STK32B: variants seen among roughly 807,000 people sequenced by gnomAD.
STK32B encodes the protein serine/threonine kinase 32B.
STK32B carries 43 observed loss-of-function variants against 52.6 expected under a neutral mutation model. The observed-to-expected ratio is 0.82, with a 90% CI of 0.64 to 1.05. The LOEUF is 1.05. STK32B is among the 50% of genes least tolerant of loss of function. The probability of loss-of-function intolerance (pLI) is 0.00; values close to 1 mark genes in which losing one functional copy is unlikely to be tolerated. For missense variants in STK32B, 621 were observed against 534.6 expected (o/e 1.16, Z -1.59); for synonymous variants, 238 against 204.3 (o/e 1.17, Z -1.41).
At chr4:5,425,807 G>C (rs1382429124) in intron 6 of STK32B, among the ~76,000 whole-genome samples, 1 of 152,144 alleles carries the variant, frequency 6.6e-6, no homozygotes, top group African/African-American at 2.4e-5. Context: ...CCAGTCCCTG[G>C]CAACCAGCAA....
chr4:5,433,718 T>C (rs1485023308), intron 6 of STK32B, among the ~76,000 whole-genome samples: 4 of 152,210 alleles, frequency 2.6e-5, no homozygotes, highest in African/African-American at 9.6e-5. Context: ...AGATGTTGAA[T>C]AGCATTTCAC....
intron 1 of STK32B, among the ~76,000 whole-genome samples, chr4:5,111,025 C>G (rs2108802139): frequency 6.6e-6 from 1 of 151,658 alleles, no homozygotes; most frequent in Non-Finnish European, 1.5e-5. Context: ...CTTAACATCA[C>G]CAATCATCAG....
At chr4:5,198,149 T>C (rs993686200) in intron 3 of STK32B, among the ~76,000 whole-genome samples, 7 of 152,216 alleles carry the variant, frequency 4.6e-5, no homozygotes, top group Admixed American at 1.3e-4. Flanking sequence ...TGCCTAACAA[T>C]GGATACTTCT....
At chr4:5,136,687 G>A (rs1279372740) in intron 1 of STK32B, among the ~76,000 whole-genome samples, 4 of 152,274 alleles carry the variant, frequency 2.6e-5, no homozygotes, top group Non-Finnish European at 4.4e-5. Context: ...ACAACCTCAC[G>A]TGACAGTATG....
intron 3 of STK32B, among the ~76,000 whole-genome samples, chr4:5,248,217 G>A (rs10001177): frequency 0.072 from 11,021 of 152,220 alleles, 584 homozygotes; most frequent in African/African-American, 0.15. Context: ...GTTGTGAGTG[G>A]AGGAGCTGGA....
At chr4:5,130,168 C>CGGGGG (rs1452550372) in intron 1 of STK32B, among the ~76,000 whole-genome samples, 8 of 143,860 alleles carry the variant, frequency 5.6e-5, no homozygotes, top group African/African-American at 2.1e-4. Flanking sequence ...TCACCTTCTC[C>CGGGGG]GGCGGGGGGA....
chr4:5,084,348 A>G (rs1712601638), intron 1 of STK32B, among the ~76,000 whole-genome samples: 1 of 152,230 alleles, frequency 6.6e-6, no homozygotes, highest in Non-Finnish European at 1.5e-5. Flanking sequence ...ATTACAAAAG[A>G]CAACAGCATT....
Position 5,176,918 on chromosome 4 carries a change from G to A in STK32B, c.260+8468G>A, listed in dbSNP as rs113467547. Among the ~76,000 whole-genome samples the A allele has an allele frequency of 1.9e-3, 292 of 152,292 alleles. 1 individual carries two copies. Among genetic ancestry groups the A allele is most frequent in the African/African-American group, 6.8e-3 (284 of 41,546 alleles). Reference sequence around the variant, plus strand: ...TAAGCAAGAAAGGGGTGAGCCTACTGCTTGACTTTGGAGTCACCCCTCAGA... The same window carrying A: ...TAAGCAAGAAAGGGGTGAGCCTACTACTTGACTTTGGAGTCACCCCTCAGA... On this transcript the variant is annotated intron_variant, in intron 3 of 11. Transcript: ENST00000282908.
chr4:5,163,409 T>A (rs1197553475), intron 2 of STK32B, among the ~76,000 whole-genome samples: 1 of 152,102 alleles, frequency 6.6e-6, no homozygotes, highest in Non-Finnish European at 1.5e-5. Flanking sequence ...CTTCAAGGAT[T>A]AAAGGGAAGT....
At chr4:5,310,360 T>A (rs927769239) in intron 3 of STK32B, among the ~76,000 whole-genome samples, 1 of 152,094 alleles carries the variant, frequency 6.6e-6, no homozygotes, top group African/African-American at 2.4e-5. Context: ...GCAAAGAATC[T>A]GATTTAAAAA....
chr4:5,059,719 A>C (rs1033978581), intron 1 of STK32B, among the ~76,000 whole-genome samples: 3 of 152,224 alleles, frequency 2.0e-5, no homozygotes, highest in Admixed American at 6.5e-5. Flanking sequence ...GAGAAATTTA[A>C]ATATCAGAAT....
the STK32B span, among the ~76,000 whole-genome samples, chr4:5,038,924 C>CTCTT: frequency 6.6e-6 from 1 of 151,082 alleles, no homozygotes; most frequent in Non-Finnish European, 1.5e-5. Flanking sequence ...AACTTTTTGA[C>CTCTT]TCTTTTGTAA....
At position 5,156,541 on chromosome 4, in the gene STK32B, A is replaced by T. The variant is rs553003522; in HGVS notation, c.109-11758A>T. ...TGAGCCAGCAGGAGCGTCCACGGTG[A>T]AGTGCTCCACTTTGAGTTAACTCTG... On this transcript the variant is annotated intron_variant, in intron 2 of 11. Transcript: ENST00000282908. Among the ~76,000 whole-genome samples the T allele has an allele frequency of 1.4e-3, 217 of 152,236 alleles. 1 individual carries two copies. Among genetic ancestry groups the T allele is most frequent in the Non-Finnish European group, 1.3e-3 (87 of 68,020 alleles).
chr4:5,041,684 T>A, the STK32B span, among the ~76,000 whole-genome samples: 1 of 152,282 alleles, frequency 6.6e-6, no homozygotes, highest in East Asian at 1.9e-4. Context: ...AAGACTGCTC[T>A]TGAAGTTATT....
chr4:5,381,718 C>G (rs1465575380), intron 4 of STK32B, among the ~76,000 whole-genome samples: 1 of 152,200 alleles, frequency 6.6e-6, no homozygotes. Flanking sequence ...CTGCCCCCAC[C>G]TTGCTCCCAC....
chr4:5,286,143 G>T (rs1728525591), intron 3 of STK32B, among the ~76,000 whole-genome samples: 1 of 152,166 alleles, frequency 6.6e-6, no homozygotes, highest in Non-Finnish European at 1.5e-5. Context: ...ATAAATTTCT[G>T]TCGTTTAAGC....
chr4:5,082,017 T>G (rs1712464798), intron 1 of STK32B, among the ~76,000 whole-genome samples: 1 of 152,188 alleles, frequency 6.6e-6, no homozygotes, highest in Non-Finnish European at 1.5e-5. Flanking sequence ...CCCCCCAGTT[T>G]TTAATGTCTC....
rs556084214 is a variant in STK32B, at chr4:5,453,568, T to C, written c.667-3239T>C. 1.9e-3 allele frequency among the ~76,000 whole-genome samples: 291 copies of C among 152,164 alleles called. 1 individual carries two copies. Among genetic ancestry groups the C allele is most frequent in the South Asian group, 4.2e-3 (20 of 4,806 alleles). Reference sequence around the variant, plus strand: ...GGGGTGGGACTGTTTTGGGCAGAACTGTTTATTGAAAAGCAAAAAAGACAG... The same window carrying C: ...GGGGTGGGACTGTTTTGGGCAGAACCGTTTATTGAAAAGCAAAAAAGACAG... On this transcript the variant is annotated intron_variant, in intron 7 of 11. Transcript: ENST00000282908. This position sits in a 1 kb window ranked among gnomAD's most constrained non-coding sequence, Gnocchi z 4.0.
At chr4:5,060,276 T>C (rs1406235254) in intron 1 of STK32B, among the ~76,000 whole-genome samples, 1 of 152,124 alleles carries the variant, frequency 6.6e-6, no homozygotes, top group Non-Finnish European at 1.5e-5. Context: ...AGGACTGTTA[T>C]TATTGATAAG....
Sources: allele counts gnomAD v4.1 joint callset (sites outside exome capture counted in the v4.1 genomes callset), GRCh38; gene constraint gnomAD v4.1.1; non-coding constraint Gnocchi (gnomAD v3.1); transcripts MANE v1.5; gene names NCBI Gene and HGNC (gene_info 2026-07-23, HGNC 2026-07-21).